The following OR51B5 variants were observed in gnomAD, a reference collection of about 807,000 sequenced individuals.
OR51B5 encodes olfactory receptor family 51 subfamily B member 5.
For synonymous variants in OR51B5, 186 were observed against 144.8 expected (o/e 1.28, Z -2.04); for missense variants, 456 against 374.6 (o/e 1.22, Z -1.79).
chr11:5,404,418 A>G (rs911725314), intron 1 of OR51B5, among the ~76,000 whole-genome samples: 1 of 152,196 alleles, frequency 6.6e-6, no homozygotes, highest in East Asian at 1.9e-4. Context: ...AAACGCACCA[A>G]CTAGTGCTCT....
intron 1 of OR51B5, among the ~76,000 whole-genome samples, chr11:5,471,030 A>C (rs7127072): frequency 0.047 from 7,185 of 152,274 alleles, 610 homozygotes; most frequent in African/African-American, 0.16. Context: ...AGAAGCTGCA[A>C]GACCACATAA....
intron 1 of OR51B5, chr11:5,389,749 C>T: frequency 6.2e-7 from 1 of 1,613,994 alleles, no homozygotes; most frequent in South Asian, 1.1e-5. Context: ...TCTGCATCCA[C>T]TCTTTTTCCT....
At chr11:5,487,592 C>T (rs1297239158) in intron 1 of OR51B5, among the ~76,000 whole-genome samples, 1 of 152,178 alleles carries the variant, frequency 6.6e-6, no homozygotes, top group East Asian at 1.9e-4. Flanking sequence ...GGCATTTCTA[C>T]TCAGAATTCT....
downstream of OR51B5, chr11:5,340,471 T>A (rs1459492188): frequency 6.6e-6 from 1 of 151,558 alleles, no homozygotes; most frequent in East Asian, 1.9e-4. Context: ...ACAAAAGCAT[T>A]ACTCTTTTTT....
At chr11:5,367,273 G>A (rs75725745) in intron 1 of OR51B5, among the ~76,000 whole-genome samples, 8,139 of 152,222 alleles carry the variant, frequency 0.053, 304 homozygotes, top group Middle Eastern at 0.088. Flanking sequence ...CTTGGATTTC[G>A]TGCCCAAGAA....
At chr11:5,343,295 G>A in exon 1 of OR51B5, 1 of 1,612,152 alleles carries the variant, frequency 6.2e-7, no homozygotes. Context: ...CAGCACCGTG[G>A]GCATTGTGGT....
rs1305427333 is a variant in OR51B5 at position 5,342,736 on chromosome 11, T to A, written c.789A>T (p.Gly263=). ...GGTGAACAATATGTGGAACCTGCTTTCCAAAACGATGAATCAGAGACAATC... is the reference window on the plus strand; with the variant it reads ...GGTGAACAATATGTGGAACCTGCTTACCAAAACGATGAATCAGAGACAATC... The change falls in exon 1 of 1, where the codon GGA becomes GGT. Residue 263 remains glycine (G), a synonymous_variant. Coordinates refer to ENST00000300773, the Ensembl canonical transcript of OR51B5. The A allele has an allele frequency of 3.1e-6, 5 of 1,613,740 alleles. No individual in the cohort carries two copies. The Admixed American group carries it at 8.3e-5, about 27-fold the overall frequency.
intron 1 of OR51B5, among the ~76,000 whole-genome samples, chr11:5,374,391 G>C (rs997818554): frequency 2.6e-5 from 4 of 152,118 alleles, no homozygotes; most frequent in African/African-American, 4.8e-5. Flanking sequence ...AAAAAACAGA[G>C]CAGAAAAACT....
intron 1 of OR51B5, among the ~76,000 whole-genome samples, chr11:5,381,085 G>A (rs11037120): frequency 6.6e-6 from 1 of 151,114 alleles, no homozygotes; most frequent in Admixed American, 6.6e-5. Context: ...ACTTATACTG[G>A]CCCCTTGAAA....
intron 1 of OR51B5, chr11:5,352,184 T>C (rs769412828): frequency 5.0e-6 from 8 of 1,614,054 alleles, no homozygotes; most frequent in Non-Finnish European, 2.5e-6. Flanking sequence ...GTCATGGGCA[T>C]TGGTTCTGGA....
At position 5,441,687 on chromosome 11, in the gene OR51B5, G is replaced by A. The variant is rs551640523; in HGVS notation, n.84+63882C>T. ...TTAAGGAAGCAACCGGGTTCTAATCGTTTGTGTACCACCAGGGCCCTGCTC... is the reference window on the plus strand; with the variant it reads ...TTAAGGAAGCAACCGGGTTCTAATCATTTGTGTACCACCAGGGCCCTGCTC... On this transcript the variant is annotated intron_variant and non_coding_transcript_variant, in intron 1 of 4. Transcript: ENST00000415970. 1.7e-3 allele frequency among the ~76,000 whole-genome samples: 262 copies of A among 152,218 alleles called. 1 individual carries two copies. Among genetic ancestry groups the A allele is most frequent in the African/African-American group, 5.6e-3 (233 of 41,536 alleles).
intron 1 of OR51B5, among the ~76,000 whole-genome samples, chr11:5,415,866 A>T (rs1589984128): frequency 6.6e-6 from 1 of 151,730 alleles, no homozygotes; most frequent in African/African-American, 2.4e-5. Flanking sequence ...AACTGGTACC[A>T]TTCCTTCTGA....
At chr11:5,361,079 A>G (rs374375960) in intron 1 of OR51B5, among the ~76,000 whole-genome samples, 2 of 152,184 alleles carry the variant, frequency 1.3e-5, no homozygotes, top group South Asian at 4.1e-4. Context: ...AACATGGCAC[A>G]TGTATACATA....
At chr11:5,343,059 G>A in exon 1 of OR51B5, 2 of 1,613,348 alleles carry the variant, frequency 1.2e-6, no homozygotes, top group Non-Finnish European at 8.5e-7. Flanking sequence ...CTGATTGGGG[G>A]AACAACGGAT....
chr11:5,475,720 C>A (rs971956302), intron 1 of OR51B5, among the ~76,000 whole-genome samples: 19 of 152,102 alleles, frequency 1.2e-4, no homozygotes, highest in African/African-American at 4.6e-4. Flanking sequence ...CTCTCCTATT[C>A]TTTAATATAT....
chr11:5,378,307 A>C (rs1849558747), intron 1 of OR51B5, among the ~76,000 whole-genome samples: 1 of 152,082 alleles, frequency 6.6e-6, no homozygotes, highest in African/African-American at 2.4e-5. Flanking sequence ...TACAAAAATT[A>C]ATTCAAGATG....
At chr11:5,399,151 T>G (rs1053297344) in intron 1 of OR51B5, among the ~76,000 whole-genome samples, 2 of 152,218 alleles carry the variant, frequency 1.3e-5, no homozygotes, top group African/African-American at 4.8e-5. Flanking sequence ...TTGAAATAGT[T>G]TTGCCATCAT....
rs1175065330 is a variant in OR51B5, at chr11:5,454,755, G to A, written n.84+50814C>T. 3.4e-5 allele frequency: 6 copies of A among 176,552 alleles called. No individual in the cohort carries two copies. The South Asian group carries it at 8.8e-4, about 26-fold the overall frequency. The allele number at this position is 176,552 out of a possible 1,614,324, so 10.9% of individuals were successfully genotyped here. ...TAATTAACAAACTTAGTCCTAAAAT[G>A]TATCAAGTACTATTATAAATTATTT... On this transcript the variant is annotated intron_variant and non_coding_transcript_variant, in intron 1 of 4. Coordinates refer to the OR51B5 transcript ENST00000415970.
chr11:5,377,479 A>C (rs941791758), intron 1 of OR51B5, among the ~76,000 whole-genome samples: 1 of 152,168 alleles, frequency 6.6e-6, no homozygotes, highest in African/African-American at 2.4e-5. Flanking sequence ...GGCAGAAGAC[A>C]GGAAAAAAGG....
Sources: gnomAD v4.1 joint callset for allele counts (sites outside exome capture counted in the v4.1 genomes callset) on GRCh38, gnomAD v4.1.1 for gene constraint, MANE v1.5 for transcripts, NCBI Gene and HGNC (gene_info 2026-07-23, HGNC 2026-07-21) for gene names.